PLCG2: variants seen among roughly 807,000 people sequenced by gnomAD.
PLCG2 encodes 1-phosphatidylinositol 4,5-bisphosphate phosphodiesterase gamma-2.
A neutral mutation model predicts 175.6 loss-of-function variants in PLCG2; 69 were observed. The observed-to-expected ratio is 0.39, with a 90% confidence interval of 0.32 to 0.48. PLCG2 has a LOEUF of 0.48. Ranked by LOEUF, PLCG2 falls within the 20% of genes least tolerant of loss-of-function variation. The probability of loss-of-function intolerance (pLI) is 0.91; values close to 1 mark genes in which losing one functional copy is unlikely to be tolerated. For synonymous variants in PLCG2, 827 were observed against 624.0 expected, an observed-to-expected ratio of 1.33 and a Z score of -4.85; for missense variants, 1,798 against 1,650.9, an observed-to-expected ratio of 1.09 and a Z score of -1.54.
intron 7 of PLCG2, among the ~76,000 whole-genome samples, chr16:81,872,709 T>G (rs140655514): frequency 6.6e-6 from 1 of 152,346 alleles, no homozygotes; most frequent in East Asian, 1.9e-4. Context: ...GTGTGAGGGC[T>G]TGGGGAGTAC....
Position 81,910,689 on chromosome 16 carries a change from G to A in PLCG2, c.1903G>A (p.Val635Met). 1 of 1,611,860 alleles carries A rather than the reference G, an allele frequency of 6.2e-7. No homozygotes were observed. Among genetic ancestry groups the A allele is most frequent in the East Asian group, 2.2e-5 (1 of 44,880 alleles). Reference sequence around the variant, plus strand: ...GTTCGAGCTGCGGCTCACGGACCCTGTGCCCAACCCCAACCCCCACGAGTC... The same window carrying A: ...GTTCGAGCTGCGGCTCACGGACCCTATGCCCAACCCCAACCCCCACGAGTC... ...AEFELRLTDPVPNPNPHESKP... is the reference protein window; with the variant it reads ...AEFELRLTDPMPNPNPHESKP... The change falls in exon 18 of 33, where the codon GTG becomes ATG. Residue 635 changes from valine to methionine, a missense_variant. By Grantham distance (21) the Val-to-Met change is conservative. Transcript: ENST00000564138.
chr16:81,749,008 T>G (rs1260513807), intron 1 of PLCG2, among the ~76,000 whole-genome samples: 1 of 152,056 alleles, frequency 6.6e-6, no homozygotes, highest in Non-Finnish European at 1.5e-5. Context: ...GAGCTCAGGG[T>G]GGAAGATGTG....
intron 20 of PLCG2, among the ~76,000 whole-genome samples, chr16:81,920,955 G>A (rs1223660000): frequency 1.3e-5 from 2 of 152,140 alleles, no homozygotes; most frequent in Admixed American, 6.5e-5. Flanking sequence ...ACAAAGGAAC[G>A]CAGTGCCTGG....
rs1366791436 is a variant in PLCG2 at position 81,845,996 on chromosome 16, G to T, written c.194-8448G>T. On this transcript the variant is annotated intron_variant, in intron 2 of 32. Transcript: ENST00000564138. ...CATTTGTAAAATAGGGGCAGTCATG[G>T]TACCTGCCTCATAGTGTTCTTGTGA... 5.9e-5 allele frequency among the ~76,000 whole-genome samples: 9 copies of T among 152,178 alleles called. No homozygotes were observed. The East Asian group carries it at 1.7e-3, about 29-fold the overall frequency.
chr16:81,744,165 C>CT (rs1185124266), intron 1 of PLCG2, among the ~76,000 whole-genome samples: 1,340 of 127,720 alleles, frequency 0.01, 19 homozygotes, highest in African/African-American at 0.025. Flanking sequence ...GCCAACTTCC[C>CT]TTTTTTTTTT....
chr16:81,948,496 A>C (rs1911240238), intron 31 of PLCG2, among the ~76,000 whole-genome samples: 1 of 152,090 alleles, frequency 6.6e-6, no homozygotes, highest in Non-Finnish European at 1.5e-5. Flanking sequence ...AGGGGTGGAG[A>C]GGCCCTTCTT....
At chr16:81,855,477 A>C (rs1015631979) in intron 3 of PLCG2, among the ~76,000 whole-genome samples, 20 of 152,232 alleles carry the variant, frequency 1.3e-4, no homozygotes, top group Non-Finnish European at 2.5e-4. Flanking sequence ...CAATATAGGG[A>C]CATTTACTTT....
intron 2 of PLCG2, among the ~76,000 whole-genome samples, chr16:81,827,833 G>A (rs1456868044): frequency 2.0e-5 from 3 of 152,082 alleles, no homozygotes; most frequent in Admixed American, 6.6e-5. Context: ...GTTCATGCCT[G>A]TAATCCCAGC....
Position 81,786,078 on chromosome 16 carries a change from T to G in PLCG2, c.89T>G (p.Val30Gly). 1 of 1,614,182 alleles carries G rather than the reference T, an allele frequency of 6.2e-7. No individual in the cohort carries two copies. The highest frequency in any genetic ancestry group is 8.5e-7 in the Non-Finnish European group (1 of 1,180,026). ...RALELGTVMT[V>G]FSFRKSTPER... is the part of the protein sequence containing the mutation. ...CTGGAGCTGGGGACGGTGATGACTG[T>G]GTTCAGCTTCCGCAAGTCCACCCCC... The change falls in exon 2 of 33, where the codon GTG becomes GGG. Residue 30 changes from valine to glycine, a missense_variant. Transcript: ENST00000564138.
rs28430364 is a variant in PLCG2, at chr16:81,824,076, G to A, written c.194-30368G>A. ...GTCCTGTCCTGTCCTGTCCTGTCCT[G>A]TCCTGTCCTGTCCTGTCCTTTCCTT... On this transcript the variant is annotated intron_variant, in intron 2 of 32. Transcript: ENST00000564138. Among the ~76,000 whole-genome samples, 17 of 92,396 alleles carry A rather than the reference G, an allele frequency of 1.8e-4. No individual in the cohort carries two copies. In the East Asian group the frequency reaches 4.5e-3, roughly 24 times the overall value. The allele number at this position is 92,396 out of a possible 152,430, so 60.6% of individuals were successfully genotyped here.
At chr16:81,904,834 G>T (rs762628805) in intron 14 of PLCG2, among the ~76,000 whole-genome samples, 8 of 152,300 alleles carry the variant, frequency 5.3e-5, no homozygotes, top group Non-Finnish European at 4.4e-5. Flanking sequence ...GAGGAATAAA[G>T]CAGGCTTGGG....
At chr16:81,858,677 G>T (rs1187817615) in intron 4 of PLCG2, among the ~76,000 whole-genome samples, 4 of 152,150 alleles carry the variant, frequency 2.6e-5, no homozygotes, top group African/African-American at 9.7e-5. Flanking sequence ...AGATTCAGTG[G>T]ACTGATCAAA....
At chr16:81,742,486 G>A (rs544452464) in intron 1 of PLCG2, among the ~76,000 whole-genome samples, 2 of 152,126 alleles carry the variant, frequency 1.3e-5, no homozygotes, top group Non-Finnish European at 1.5e-5. Flanking sequence ...CCCCATGCAG[G>A]GTGAAGGAGG....
At chr16:81,861,419 G>A (rs576543262) in intron 5 of PLCG2, among the ~76,000 whole-genome samples, 2 of 152,204 alleles carry the variant, frequency 1.3e-5, no homozygotes, top group Admixed American at 6.5e-5. Context: ...TCACATGCCC[G>A]ATGGGAGGAT....
intron 2 of PLCG2, among the ~76,000 whole-genome samples, chr16:81,803,124 T>C (rs1911812478): frequency 1.4e-5 from 2 of 138,342 alleles, no homozygotes; most frequent in Admixed American, 7.7e-5. Flanking sequence ...TTTTTTTTTT[T>C]TTTTTTTTTT....
intron 2 of PLCG2, among the ~76,000 whole-genome samples, chr16:81,848,735 G>C (rs1391030287): frequency 6.6e-6 from 1 of 152,196 alleles, no homozygotes; most frequent in East Asian, 1.9e-4. Flanking sequence ...CAGCTACTCT[G>C]ATAGGGGTGG....
chr16:81,860,777 C>G (rs1012667292), intron 5 of PLCG2, among the ~76,000 whole-genome samples: 2 of 152,044 alleles, frequency 1.3e-5, no homozygotes, highest in African/African-American at 4.8e-5. Flanking sequence ...TCGAGACCAG[C>G]CTGGGCAACA....
chr16:81,948,636 G>C lies in PLCG2; in HGVS notation c.3570+2373G>C, dbSNP rs146268893. On this transcript the variant is annotated intron_variant, in intron 31 of 32. Coordinates refer to ENST00000564138, the MANE Select transcript of PLCG2 (RefSeq NM_002661.5). ...GTCCAGGACTGGGAGCTGCACTCTG[G>C]CACTGAGCTGGTCCTGGTTTTTGAG... is the stretch of plus-strand genomic sequence containing the variant. Among the ~76,000 whole-genome samples the C allele has an allele frequency of 5.7e-3, 867 of 152,298 alleles. 8 individuals are homozygous for C. Among genetic ancestry groups the C allele is most frequent in the African/African-American group, 0.02 (833 of 41,568 alleles).
intron 2 of PLCG2, among the ~76,000 whole-genome samples, chr16:81,761,337 C>T (rs950399650): frequency 6.6e-6 from 1 of 152,176 alleles, no homozygotes; most frequent in Non-Finnish European, 1.5e-5. Context: ...TACACTCCAG[C>T]CTGGGCAACA....
Sources: gnomAD v4.1 joint callset for allele counts (sites outside exome capture counted in the v4.1 genomes callset) on GRCh38, gnomAD v4.1.1 for gene constraint, MANE v1.5 for transcripts, NCBI Gene and HGNC (gene_info 2026-07-23, HGNC 2026-07-21) for gene names.